DSCAM: variants seen among roughly 807,000 people sequenced by gnomAD.
The protein encoded by DSCAM is cell adhesion molecule DSCAM.
In DSCAM, 47 loss-of-function variants were observed where a neutral mutation model predicts 217.7. The observed-to-expected ratio is 0.22, with a 90% CI of 0.17 to 0.28. The LOEUF is 0.28. Ranked by LOEUF, DSCAM falls within the 10% of genes least tolerant of loss-of-function variation. The probability of loss-of-function intolerance (pLI) is 1.00; values close to 1 mark genes in which losing one functional copy is unlikely to be tolerated. For missense variants in DSCAM, 2,080 were observed against 2,618.3 expected (o/e 0.79, Z 4.49); for synonymous variants, 1,056 against 1,015.3 (o/e 1.04, Z -0.76).
At chr21:40,267,064 T>C (rs1001307792) in intron 11 of DSCAM, among the ~76,000 whole-genome samples, 9 of 151,754 alleles carry the variant, frequency 5.9e-5, no homozygotes, top group African/African-American at 1.9e-4. Context: ...TAGAAAACTA[T>C]ATATTGAGTA....
At chr21:40,074,377 C>G (rs1382829912) in intron 27 of DSCAM, among the ~76,000 whole-genome samples, 1 of 152,200 alleles carries the variant, frequency 6.6e-6, no homozygotes, top group Non-Finnish European at 1.5e-5. Flanking sequence ...TGAAATAACT[C>G]CCTGTCCTCA....
At chr21:40,783,154 T>G (rs1343935541) in intron 1 of DSCAM, among the ~76,000 whole-genome samples, 1 of 152,140 alleles carries the variant, frequency 6.6e-6, no homozygotes, top group East Asian at 1.9e-4. Context: ...ATAACAACAT[T>G]CCGAAGAAGG....
chr21:40,110,505 AT>A (rs1379448968), intron 20 of DSCAM, among the ~76,000 whole-genome samples: 5 of 152,306 alleles, frequency 3.3e-5, no homozygotes, highest in African/African-American at 1.2e-4. Context: ...AAAAATCAGA[AT>A]GCCTCTCCTC....
intron 1 of DSCAM, among the ~76,000 whole-genome samples, chr21:40,811,671 A>T (rs2091840441): frequency 6.6e-6 from 1 of 152,226 alleles, no homozygotes; most frequent in Non-Finnish European, 1.5e-5. Flanking sequence ...AGAAATCCTC[A>T]TGGGTAACCT....
intron 3 of DSCAM, among the ~76,000 whole-genome samples, chr21:40,515,258 T>C (rs1006477707): frequency 3.3e-5 from 5 of 152,194 alleles, no homozygotes; most frequent in African/African-American, 1.2e-4. Flanking sequence ...ATAGACTACA[T>C]TAACTTATTG....
chr21:40,546,268 G>A (rs1042509700), intron 3 of DSCAM, among the ~76,000 whole-genome samples: 4 of 152,184 alleles, frequency 2.6e-5, no homozygotes, highest in African/African-American at 9.7e-5. Context: ...ACACACTCAG[G>A]GTAGCTGTGA....
rs1555886227 is a variant in DSCAM, at chr21:40,756,976, C to CGTGTGTGTGTGT, written c.44-48217_44-48206dup. 4.0e-5 allele frequency among the ~76,000 whole-genome samples: 6 copies of CGTGTGTGTGTGT among 149,708 alleles called. No homozygotes were observed. The East Asian group carries it at 1.2e-3, about 29-fold the overall frequency. On this transcript the variant is annotated intron_variant, in intron 1 of 32. Coordinates refer to ENST00000400454, the MANE Select transcript of DSCAM (RefSeq NM_001389.5). ...TAAGAAAGATTGCCCAACAAATGGT[C>CGTGTGTGTGTGT]GTGTGTGTGTGTGTGTGTGTGTGTG...
chr21:40,550,452 G>A (rs371390344), intron 3 of DSCAM, among the ~76,000 whole-genome samples: 1 of 152,124 alleles, frequency 6.6e-6, no homozygotes. Context: ...TGGAACCTGG[G>A]AGGCAGGGGC....
intron 1 of DSCAM, among the ~76,000 whole-genome samples, chr21:40,815,829 G>T (rs767034018): frequency 1.3e-5 from 2 of 152,174 alleles, no homozygotes; most frequent in Non-Finnish European, 2.9e-5. Context: ...CTGTGATTCA[G>T]TTTGCTCATC....
At chr21:40,723,317 A>T (rs1029006) in intron 1 of DSCAM, among the ~76,000 whole-genome samples, 29,308 of 151,944 alleles carry the variant, frequency 0.19, 4,006 homozygotes, top group African/African-American at 0.38. Flanking sequence ...CTAGGCTCTT[A>T]GCTGGAACAC....
chr21:40,308,042 C>G (rs1174320894), intron 9 of DSCAM, among the ~76,000 whole-genome samples: 6 of 151,808 alleles, frequency 4.0e-5, no homozygotes, highest in African/African-American at 1.5e-4. Context: ...ATGTAACTAA[C>G]CTGCACATTG....
rs558177291 is a variant in DSCAM, at chr21:40,575,220, C to T, written c.508+117590G>A. Among the ~76,000 whole-genome samples, 7 of 151,392 alleles carry T rather than the reference C, an allele frequency of 4.6e-5. No individual in the cohort carries two copies. The East Asian group carries it at 5.9e-4, about 13-fold the overall frequency. On this transcript the variant is annotated intron_variant, in intron 3 of 32. Transcript: ENST00000400454. ...ACTGAGCACCCTGTGACCCCCACTCCGGCCCTCCAGAGAACAACCCCCCTT... is the reference window on the plus strand; with the variant it reads ...ACTGAGCACCCTGTGACCCCCACTCTGGCCCTCCAGAGAACAACCCCCCTT...
intron 3 of DSCAM, among the ~76,000 whole-genome samples, chr21:40,656,619 T>C (rs1415741978): frequency 6.6e-6 from 1 of 152,224 alleles, no homozygotes; most frequent in Non-Finnish European, 1.5e-5. Flanking sequence ...ATCACGCTTC[T>C]GTGTCACCGT....
intron 3 of DSCAM, among the ~76,000 whole-genome samples, chr21:40,400,560 A>G (rs929029980): frequency 5.9e-5 from 9 of 152,186 alleles, no homozygotes; most frequent in Non-Finnish European, 1.0e-4. Context: ...GCTGGAAGGC[A>G]GTGGCATGAG....
At chr21:40,478,325 T>C (rs2075954481) in intron 3 of DSCAM, among the ~76,000 whole-genome samples, 1 of 152,226 alleles carries the variant, frequency 6.6e-6, no homozygotes, top group Admixed American at 6.5e-5. Context: ...TGTGTGTACC[T>C]GGGAACCTGT....
chr21:40,567,852 C>T (rs1483950853), intron 3 of DSCAM, among the ~76,000 whole-genome samples: 2 of 152,164 alleles, frequency 1.3e-5, no homozygotes, highest in Non-Finnish European at 2.9e-5. Flanking sequence ...GTTTCAAAAA[C>T]ATTAAAATTC....
At chr21:40,486,237 AC>A (rs2145999071) in intron 3 of DSCAM, among the ~76,000 whole-genome samples, 1 of 152,246 alleles carries the variant, frequency 6.6e-6, no homozygotes, top group South Asian at 2.1e-4. Context: ...TGGGATAATC[AC>A]CCGGCATGGT....
intron 14 of DSCAM, among the ~76,000 whole-genome samples, chr21:40,185,998 G>T (rs536559068): frequency 6.6e-6 from 1 of 152,212 alleles, no homozygotes; most frequent in Non-Finnish European, 1.5e-5. Context: ...CTCAGAGGCC[G>T]ATGACCTGAG....
intron 1 of DSCAM, among the ~76,000 whole-genome samples, chr21:40,728,262 T>C (rs969686749): frequency 3.9e-5 from 6 of 152,214 alleles, no homozygotes; most frequent in African/African-American, 1.4e-4. Flanking sequence ...CCCTGATGTA[T>C]TCCCAATTCC....
Sources: gnomAD v4.1 joint callset for allele counts (sites outside exome capture counted in the v4.1 genomes callset) on GRCh38, gnomAD v4.1.1 for gene constraint, MANE v1.5 for transcripts, NCBI Gene and HGNC (gene_info 2026-07-23, HGNC 2026-07-21) for gene names.